The following SLC37A1 variants were observed in gnomAD, a reference collection of about 807,000 sequenced individuals.
SLC37A1 encodes glucose-6-phosphate exchanger SLC37A1.
In SLC37A1, 49 loss-of-function variants were observed where a neutral mutation model predicts 75.3. The ratio of observed to expected loss-of-function variants is 0.65; its 90% confidence interval spans 0.52 to 0.83. The LOEUF (loss-of-function observed/expected upper bound fraction) is 0.83, where lower values mean the gene tolerates loss of function less well. Among genes scored for constraint, SLC37A1 ranks in the 40% least tolerant of loss-of-function variants. The probability of loss-of-function intolerance (pLI) is 0.00; values close to 1 mark genes in which losing one functional copy is unlikely to be tolerated. For synonymous variants in SLC37A1, 268 were observed against 292.1 expected (o/e 0.92, Z 0.84); for missense variants, 566 against 695.0 (o/e 0.81, Z 2.09).
rs751397756 is a variant in SLC37A1 at position 42,559,088 on chromosome 21, C to T, written c.980C>T (p.Pro327Leu). ...AGCTTCACAGGGGCCTTGAAAATTC[C>T]AGTAAGTAAACGTGCCCAGGAGGAG... is the stretch of plus-strand genomic sequence containing the variant. ...AISFTGALKI[P>L]GVIEFSLCLL... The change falls in exon 11 of 20, where the codon CCA becomes CTA. Residue 327 changes from proline to leucine, a missense_variant and splice_region_variant. Physicochemically the swap from Pro to Leu is moderately conservative, Grantham distance 98 (BLOSUM62 -3). Transcript: ENST00000352133. The T allele has an allele frequency of 2.5e-6, 4 of 1,611,058 alleles. No homozygotes were observed. Among genetic ancestry groups the T allele is most frequent in the Non-Finnish European group, 3.4e-6 (4 of 1,178,698 alleles).
rs147247563 is a variant in SLC37A1, at chr21:42,575,657, C to T, written c.1521+742C>T. 3.6e-4 allele frequency: 352 copies of T among 985,464 alleles called. 2 individuals are homozygous for T. In the African/African-American group the frequency reaches 5.6e-3, roughly 16 times the overall value. 61.0% of individuals were successfully genotyped at this position (985,464 alleles called of 1,614,324 possible). A position where few individuals can be genotyped will look rare whatever the true frequency, so the allele number is the denominator to read the frequency against. Reference sequence around the variant, plus strand: ...TCCCCAGACCCACAGCCATGCCTCTCCTCTCACTTCACCAGACAAAACCTT... The same window carrying T: ...TCCCCAGACCCACAGCCATGCCTCTTCTCTCACTTCACCAGACAAAACCTT... On this transcript the variant is annotated intron_variant, in intron 18 of 19. Transcript: ENST00000352133.
Position 42,547,177 on chromosome 21 carries a change from T to C in SLC37A1, c.768+37T>C, listed in dbSNP as rs1252203505. The stretch of plus-strand genomic sequence containing the variant: ...GTTTTCTTGTCCTTTTCTAGAACAG[T>C]GTGCGGTTCTGACCACTTCCCCAGC... On this transcript the variant is annotated intron_variant, in intron 9 of 19. Transcript: ENST00000352133. The surrounding 1 kb of genome is among the most constrained non-coding windows in gnomAD (Gnocchi z 6.1). The C allele has an allele frequency of 1.9e-6, 3 of 1,612,828 alleles. No homozygotes were observed. Among genetic ancestry groups the C allele is most frequent in the Non-Finnish European group, 1.7e-6 (2 of 1,178,816 alleles).
intron 3 of SLC37A1, among the ~76,000 whole-genome samples, chr21:42,533,073 C>A (rs1025815562): frequency 2.4e-4 from 36 of 152,298 alleles, no homozygotes; most frequent in African/African-American, 8.2e-4. Context: ...AGTGGCCAGC[C>A]TTGTTGGCCA....
chr21:42,532,534 G>A (rs2055015488), intron 3 of SLC37A1, among the ~76,000 whole-genome samples: 1 of 152,168 alleles, frequency 6.6e-6, no homozygotes, highest in Non-Finnish European at 1.5e-5. Flanking sequence ...GAGGCAGCAG[G>A]GAAAGGTGGG....
At chr21:42,511,453 C>T (rs1168926798), upstream of SLC37A1, among the ~76,000 whole-genome samples, 1 of 152,100 alleles carries the variant, frequency 6.6e-6, no homozygotes, top group African/African-American at 2.4e-5. Context: ...TGGATGAACC[C>T]GGAGTACATT....
intron 17 of SLC37A1, among the ~76,000 whole-genome samples, chr21:42,573,623 A>G (rs1167787455): frequency 6.6e-6 from 1 of 152,094 alleles, no homozygotes; most frequent in East Asian, 1.9e-4. Context: ...AAAAAAACAT[A>G]CAATTGCTCC....
chr21:42,499,995 A>G (rs1252558570), intron 1 of SLC37A1, among the ~76,000 whole-genome samples: 1 of 152,232 alleles, frequency 6.6e-6, no homozygotes, highest in African/African-American at 2.4e-5. Flanking sequence ...GAGGCCCTGC[A>G]GCTTGGCAGT....
intron 19 of SLC37A1, 41 bp downstream of exon 19, chr21:42,579,841 G>T (rs755023695): frequency 1.3e-6 from 2 of 1,595,746 alleles, no homozygotes; most frequent in South Asian, 2.2e-5. Context: ...GTGAAAGCCG[G>T]CTCCAAAGTG....
intron 2 of SLC37A1, among the ~76,000 whole-genome samples, chr21:42,520,004 T>G (rs1030263372): frequency 1.3e-5 from 2 of 150,562 alleles, no homozygotes; most frequent in African/African-American, 4.9e-5. Flanking sequence ...AGATGTATGT[T>G]TGTACACACA....
chr21:42,575,027 G>C, intron 18 of SLC37A1, 112 bp downstream of exon 18: 2 of 1,500,294 alleles, frequency 1.3e-6, no homozygotes, highest in South Asian at 1.3e-5. Context: ...GAGAGGTTTG[G>C]GTCTTCCCAT....
chr21:42,542,371 A>G (rs1364716235), intron 6 of SLC37A1, 33 bp from the exon 7 acceptor site: 2 of 1,605,664 alleles, frequency 1.2e-6, no homozygotes, highest in African/African-American at 1.3e-5. Flanking sequence ...CCTGCTTCCC[A>G]CAGGTCAGTC....
intron 3 of SLC37A1, among the ~76,000 whole-genome samples, chr21:42,528,409 A>G (rs908440332): frequency 2.6e-5 from 4 of 152,234 alleles, no homozygotes; most frequent in Admixed American, 6.5e-5. Flanking sequence ...GGGCCAGAAA[A>G]GAAACCTGAA....
At chr21:42,562,781 G>A (rs2055865239) in intron 12 of SLC37A1, among the ~76,000 whole-genome samples, 1 of 35,096 alleles carries the variant, frequency 2.8e-5, no homozygotes. Context: ...CTGAGAGGAA[G>A]CGGGGATGGT....
chr21:42,561,948 G>A, intron 11 of SLC37A1, 130 bp from the exon 12 acceptor site: 1 of 745,516 alleles, frequency 1.3e-6, no homozygotes, highest in Non-Finnish European at 2.4e-6. Context: ...GTACGTGTCT[G>A]GAGGTGCTAA....
At position 42,581,178 on chromosome 21, in the gene SLC37A1, TG is replaced by T; in HGVS notation, c.*820del. 1 of 152,644 alleles carries T rather than the reference TG, an allele frequency of 6.6e-6. No homozygotes were observed. The highest frequency in any genetic ancestry group is 1.5e-5 in the Non-Finnish European group (1 of 68,082). The allele number at this position is 152,644 out of a possible 1,614,324, so 9.5% of individuals were successfully genotyped here. A position where few individuals can be genotyped will look rare whatever the true frequency, so the allele number is the denominator to read the frequency against. ...GCGGTCTCCCCACCGGCACTGGGATTGGCGGGTCCAAGCCCAGCAACCGGCT... is the reference window on the plus strand; with the variant it reads ...GCGGTCTCCCCACCGGCACTGGGATTGCGGGTCCAAGCCCAGCAACCGGCT... On this transcript the variant is annotated 3_prime_UTR_variant, in exon 20 of 20. Transcript: ENST00000352133.
chr21:42,567,455 A>G (rs2056009861), intron 16 of SLC37A1, among the ~76,000 whole-genome samples: 1 of 152,116 alleles, frequency 6.6e-6, no homozygotes, highest in Non-Finnish European at 1.5e-5. Context: ...TTTGTATTGG[A>G]CGTGTCCTGA....
At chr21:42,551,317 A>G (rs2055551792) in intron 9 of SLC37A1, among the ~76,000 whole-genome samples, 1 of 152,258 alleles carries the variant, frequency 6.6e-6, no homozygotes, top group Admixed American at 6.5e-5. Context: ...AATAGCATCA[A>G]AAAACATTAC....
chr21:42,550,616 TAAC>T (rs2055532838), intron 9 of SLC37A1, among the ~76,000 whole-genome samples: 1 of 147,126 alleles, frequency 6.8e-6, no homozygotes, highest in Non-Finnish European at 1.5e-5. Flanking sequence ...GTTATCGTAA[TAAC>T]AAAAGACTAA....
At position 42,518,367 on chromosome 21, in the gene SLC37A1, CAGAG is replaced by C. The variant is rs2054563236; in HGVS notation, c.-83_-80del. Reference sequence around the variant, plus strand: ...CAGCCTGTGGGAGCGGCAGGGGCAACAGAGAGAGGATCTGGAGCCAGGATTAATG... The same window carrying C: ...CAGCCTGTGGGAGCGGCAGGGGCAACAGAGGATCTGGAGCCAGGATTAATG... On this transcript the variant is annotated 5_prime_UTR_variant, in exon 2 of 20. The change creates a premature stop within an existing upstream ORF in the 5' untranslated region. Transcript: ENST00000352133. 1 of 1,554,612 alleles carries C rather than the reference CAGAG, an allele frequency of 6.4e-7. No homozygotes were observed. The highest frequency in any genetic ancestry group is 2.3e-5 in the East Asian group (1 of 44,286).
Sources: allele counts gnomAD v4.1 joint callset (sites outside exome capture counted in the v4.1 genomes callset), GRCh38; gene constraint gnomAD v4.1.1; non-coding constraint Gnocchi (gnomAD v3.1); transcripts MANE v1.5; gene names NCBI Gene and HGNC (gene_info 2026-07-23, HGNC 2026-07-21).